The following EIF5A variants were observed in gnomAD, a reference collection of about 807,000 sequenced individuals.
EIF5A encodes the protein eukaryotic translation initiation factor 5A-1.
In EIF5A, 1 loss-of-function variant was observed where a neutral mutation model predicts 16.6. That is an observed-to-expected ratio of 0.06 (90% CI 0.02 to 0.28). EIF5A has a LOEUF of 0.28. Among genes scored for constraint, EIF5A ranks in the 10% least tolerant of loss-of-function variants. The pLI is 1.00. For synonymous variants in EIF5A, 80 were observed against 73.6 expected, an observed-to-expected ratio of 1.09 and a Z score of -0.44; for missense variants, 29 against 196.1, an observed-to-expected ratio of 0.15 and a Z score of 5.09.
At chr17:7,308,559 G>A (rs1246809699) in intron 1 of EIF5A, 1 of 1,351,392 alleles carries the variant, frequency 7.4e-7, no homozygotes, top group African/African-American at 1.5e-5. Context: ...CCTGTGAAGT[G>A]TGGCGGTCAG....
chr17:7,310,031 C>T (rs1472029876), intron 2 of EIF5A: 1 of 1,504,914 alleles, frequency 6.6e-7, no homozygotes, highest in African/African-American at 1.4e-5. Flanking sequence ...GGCAGTCCCT[C>T]CGTTTCTCCA....
intron 1 of EIF5A, chr17:7,308,409 C>T: frequency 2.4e-6 from 3 of 1,273,088 alleles, no homozygotes; most frequent in East Asian, 1.1e-4. Context: ...AGCTAGTCCT[C>T]GCGGGGGTTC....
chr17:7,307,651 C>G lies in EIF5A; in HGVS notation c.-123C>G. ...GCGTACTAAGACCCGTGTGCAGCAGCGGCGGCGGCGGTAGAGGCGGCGGCG... is the reference window on the plus strand; with the variant it reads ...GCGTACTAAGACCCGTGTGCAGCAGGGGCGGCGGCGGTAGAGGCGGCGGCG... On this transcript the variant is annotated 5_prime_UTR_variant, in exon 1 of 6. Coordinates refer to ENST00000336458, the MANE Select transcript of EIF5A (RefSeq NM_001970.5). The G allele has an allele frequency of 9.6e-7, 1 of 1,046,202 alleles. No homozygotes were observed. Among genetic ancestry groups the G allele is most frequent in the South Asian group, 2.9e-5 (1 of 34,062 alleles). 64.8% of individuals were successfully genotyped at this position (1,046,202 alleles called of 1,614,324 possible).
At chr17:7,308,240 G>A (rs957127693) in intron 1 of EIF5A, 1 of 1,028,318 alleles carries the variant, frequency 9.7e-7, no homozygotes, top group African/African-American at 1.8e-5. Flanking sequence ...GGCACCGGAA[G>A]TGCCCCCCAC....
chr17:7,308,387 CCTAGCGCGGGGAG>C (rs2072699204), intron 1 of EIF5A: 2 of 1,223,644 alleles, frequency 1.6e-6, no homozygotes, highest in East Asian at 1.3e-4. Flanking sequence ...GCCGGCAGCC[CCTAGCGCGGGGAG>C]CTAGTCCTCG....
At chr17:7,308,222 G>A in intron 1 of EIF5A, 1 of 1,024,310 alleles carries the variant, frequency 9.8e-7, no homozygotes, top group Non-Finnish European at 1.2e-6. Flanking sequence ...TGAGGAGGGG[G>A]CGGCCGCGGC....
At chr17:7,310,627 C>T (rs2072792705) in intron 2 of EIF5A, 1 of 985,262 alleles carries the variant, frequency 1.0e-6, no homozygotes, top group Non-Finnish European at 1.2e-6. Flanking sequence ...TTCTTAGTTT[C>T]TTATCCTTTC....
upstream of EIF5A, chr17:7,307,033 G>A (rs9904081): frequency 6.3e-7 from 1 of 1,587,170 alleles, no homozygotes; most frequent in Admixed American, 1.8e-5. Context: ...GGGGCGGAAA[G>A]ACATCTCCCG....
intron 2 of EIF5A, 148 bp from the exon 3 acceptor site, chr17:7,310,870 T>G (rs750188786): frequency 7.0e-7 from 1 of 1,427,182 alleles, no homozygotes; most frequent in Non-Finnish European, 9.2e-7. Context: ...CTTTACTGTT[T>G]CTTGAGTTGA....
At chr17:7,307,142 C>G (rs1298377157), upstream of EIF5A, 1 of 1,566,828 alleles carries the variant, frequency 6.4e-7, no homozygotes, top group Non-Finnish European at 8.7e-7. Context: ...CAGTTAAAGC[C>G]GAGGTGGGGC....
chr17:7,307,880 C>T (rs2072673029), intron 1 of EIF5A, 128 bp downstream of exon 1: 1 of 982,458 alleles, frequency 1.0e-6, no homozygotes, highest in Non-Finnish European at 1.2e-6. Flanking sequence ...GGCCAGAGAG[C>T]GGCGCGAGGT....
At chr17:7,309,525 T>A in intron 1 of EIF5A, 90 bp from the exon 2 acceptor site, 1 of 1,537,102 alleles carries the variant, frequency 6.5e-7, no homozygotes, top group Non-Finnish European at 8.8e-7. Flanking sequence ...GAATAAAGAG[T>A]TGGGAAAATG....
upstream of EIF5A, chr17:7,307,306 T>C (rs865967918): frequency 3.4e-6 from 4 of 1,185,352 alleles, no homozygotes; most frequent in Non-Finnish European, 3.4e-6. Flanking sequence ...CTTTAGAGGG[T>C]GTGGAGTGCA....
upstream of EIF5A, chr17:7,307,261 C>G (rs2072651394): frequency 4.2e-6 from 5 of 1,198,338 alleles, no homozygotes; most frequent in Non-Finnish European, 5.6e-6. Context: ...GTTTAGGATT[C>G]CGAACACGCA....
At chr17:7,307,220 C>A, upstream of EIF5A, 2 of 1,320,866 alleles carry the variant, frequency 1.5e-6, no homozygotes, top group South Asian at 1.5e-5. Flanking sequence ...CAACGCCTGG[C>A]GTACTGACGG....
chr17:7,310,095 G>T (rs1364122189), intron 2 of EIF5A: 1 of 1,387,456 alleles, frequency 7.2e-7, no homozygotes, highest in Non-Finnish European at 9.5e-7. Context: ...CTATTCAGTT[G>T]CTCCTTCCTT....
chr17:7,307,060 G>A (rs1489507280), upstream of EIF5A: 2 of 1,603,044 alleles, frequency 1.2e-6, no homozygotes, highest in African/African-American at 1.3e-5. Flanking sequence ...TGTGGAACTG[G>A]GGGGACTGAT....
At chr17:7,309,432 T>TAC (rs1287313008) in intron 1 of EIF5A, among the ~76,000 whole-genome samples, 183 bp from the exon 2 acceptor site, 1 of 152,196 alleles carries the variant, frequency 6.6e-6, no homozygotes, top group African/African-American at 2.4e-5. Flanking sequence ...CACCCTCCCA[T>TAC]ACACACACCA....
rs201073018 is a variant in EIF5A at position 7,311,460 on chromosome 17, C to T, written c.381C>T (p.Tyr127=). Residue 127 remains tyrosine, a synonymous_variant, in exon 4 of 6, where the codon TAC becomes TAT. Transcript: ENST00000336458. The part of the protein sequence containing the change: ...GDLGKEIEQK[Y]DCGEEILITV... Reference sequence around the variant, plus strand: ...TTGGCAAGGAGATTGAGCAGAAGTACGACTGTGGAGAAGAGATCCTGGTAT... The same window carrying T: ...TTGGCAAGGAGATTGAGCAGAAGTATGACTGTGGAGAAGAGATCCTGGTAT... 2.6e-5 allele frequency: 42 copies of T among 1,613,968 alleles called. No individual in the cohort carries two copies. The Admixed American group carries it at 5.0e-4, about 19-fold the overall frequency.
Sources: allele counts gnomAD v4.1 joint callset (sites outside exome capture counted in the v4.1 genomes callset), GRCh38; gene constraint gnomAD v4.1.1; transcripts MANE v1.5; gene names NCBI Gene and HGNC (gene_info 2026-07-23, HGNC 2026-07-21).